Variants in ABTB1 observed in about 807,000 individuals in gnomAD.
The protein encoded by ABTB1 is ankyrin repeat and BTB domain containing 1.
ABTB1 carries 45 observed loss-of-function variants against 57.1 expected under a neutral mutation model. That is an observed-to-expected ratio of 0.79 (90% CI 0.62 to 1.01). The LOEUF (loss-of-function observed/expected upper bound fraction) is 1.01, where lower values mean the gene tolerates loss of function less well. Ranked by LOEUF, ABTB1 falls within the 50% of genes least tolerant of loss-of-function variation. The pLI is 0.00. For missense variants in ABTB1, 630 were observed against 666.3 expected (o/e 0.95, Z 0.60); for synonymous variants, 302 against 275.4 (o/e 1.10, Z -0.95).
chr3:127,673,875 C>T (rs2074911343), intron 1 of ABTB1, among the ~76,000 whole-genome samples: 1 of 152,236 alleles, frequency 6.6e-6, no homozygotes, highest in South Asian at 2.1e-4. Context: ...CTGCCCCCGC[C>T]TCAGTGGGGC....
At chr3:127,673,405 C>G in intron 1 of ABTB1, 1 of 212,246 alleles carries the variant, frequency 4.7e-6, no homozygotes, top group Non-Finnish European at 9.3e-6. Flanking sequence ...ACGTCAGACC[C>G]CCCGGGCGCA....
chr3:127,675,611 G>A, intron 3 of ABTB1: 2 of 281,080 alleles, frequency 7.1e-6, no homozygotes, highest in East Asian at 6.3e-5. Flanking sequence ...CCATCGTTAG[G>A]TAGTGGGTTG....
chr3:127,679,732 G>T, intron 10 of ABTB1: 1 of 587,268 alleles, frequency 1.7e-6, no homozygotes. Context: ...CCTGCCTCCC[G>T]CCTGCCCTGC....
In ABTB1 at chr3:127,673,067, T is replaced by C; in HGVS notation, c.42T>C (p.Asp14=). The part of the protein sequence containing the change: ...SDLFASCRKG[D]VGRVRYLLEQ... ...TGTTCGCCAGCTGCAGGAAGGGGGA[T>C]GTGGGCCGAGTGCGGTGAGGACCTC... The change falls in exon 1 of 12, where the codon GAT becomes GAC. Residue 14 remains aspartate, a synonymous_variant. Transcript: ENST00000232744. 6.4e-7 allele frequency: 1 copy of C among 1,574,468 alleles called. No individual in the cohort carries two copies. Among genetic ancestry groups the C allele is most frequent in the Non-Finnish European group, 8.6e-7 (1 of 1,160,310 alleles).
chr3:127,674,347 CA>C (rs1314411922), intron 1 of ABTB1, 43 bp from the exon 2 acceptor site: 1 of 1,581,088 alleles, frequency 6.3e-7, no homozygotes, highest in Admixed American at 1.9e-5. Context: ...TTTCTCAGAC[CA>C]TGAACCCGTC....
chr3:127,679,758 A>C, intron 10 of ABTB1: 2 of 588,380 alleles, frequency 3.4e-6, no homozygotes, highest in African/African-American at 1.9e-5. Flanking sequence ...TGCTCAGGGC[A>C]TGGGAGAACC....
Position 127,680,605 on chromosome 3 carries a change from G to T in ABTB1, c.*130G>T. On this transcript the variant is annotated 3_prime_UTR_variant, in exon 12 of 12. Transcript: ENST00000232744. ...CATGGGGGGTGCGAGGGGCTCAGTG[G>T]GGCTTCTCTTCCCTCCATGAGCCTG... 8.6e-7 allele frequency: 1 copy of T among 1,157,192 alleles called. No individual in the cohort carries two copies. The allele number at this position is 1,157,192 out of a possible 1,614,324, so 71.7% of individuals were successfully genotyped here. A position where few individuals can be genotyped will look rare whatever the true frequency, so the allele number is the denominator to read the frequency against.
At position 127,680,017 on chromosome 3, in the gene ABTB1, C is replaced by G. The variant is rs190351690; in HGVS notation, c.1062C>G (p.Ser354Arg). 6.2e-7 allele frequency: 1 copy of G among 1,613,648 alleles called. No individual in the cohort carries two copies. The highest frequency in any genetic ancestry group is 1.1e-5 in the South Asian group (1 of 91,084). Reference sequence around the variant, plus strand: ...CCGAGGCAGCCTATGATGTGCTGAGCGTCGCCGACATGTACCTGCTGCCAG... The same window carrying G: ...CCGAGGCAGCCTATGATGTGCTGAGGGTCGCCGACATGTACCTGCTGCCAG... ...LSPEAAYDVL[S>R]VADMYLLPGL... The change falls in exon 11 of 12, where the codon AGC becomes AGG. Residue 354 changes from serine (S) to arginine (R), a missense_variant. By Grantham distance (110) the Ser-to-Arg change is moderately radical. Coordinates refer to ENST00000232744, the MANE Select transcript of ABTB1 (RefSeq NM_172027.3).
rs765463378 is a variant in ABTB1 at position 127,679,989 on chromosome 3, C to T, written c.1034C>T (p.Ser345Phe). ...TCATCCCTGTCTTCACTGCAGCTGT[C>T]CCCCGAGGCAGCCTATGATGTGCTG... The part of the protein sequence containing the change: ...YYMYSDHTEL[S>F]PEAAYDVLSV... Residue 345 changes from serine to phenylalanine, a missense_variant, in exon 11 of 12, where the codon TCC becomes TTC. Physicochemically the swap from Ser to Phe is radical, Grantham distance 155 (BLOSUM62 -2). This residue lies in a region of ABTB1 where 579 missense variants were observed against 585.9 expected (regional missense o/e 0.99). Coordinates refer to ENST00000232744, the MANE Select transcript of ABTB1 (RefSeq NM_172027.3). The T allele has an allele frequency of 1.2e-5, 19 of 1,613,240 alleles. No homozygotes were observed. Among genetic ancestry groups the T allele is most frequent in the South Asian group, 2.2e-5 (2 of 91,078 alleles).
chr3:127,679,171 C>T, intron 10 of ABTB1: 1 of 202,686 alleles, frequency 4.9e-6, no homozygotes, highest in South Asian at 5.7e-5. Flanking sequence ...TGGGTTGATA[C>T]TGGTTGAGCT....
Position 127,676,027 on chromosome 3 carries a change from G to A in ABTB1, c.233G>A (p.Ser78Asn), listed in dbSNP as rs376091643. ...DGERCLYGAL[S>N]DPIRRALRDY... ...GAGCGCTGCCTCTATGGGGCACTGA[G>A]TGACCCCATCCGCCGGGCTCTACGC... is the stretch of plus-strand genomic sequence containing the variant. The change falls in exon 4 of 12, where the codon AGT becomes AAT. Residue 78 changes from serine (S) to asparagine (N), a missense_variant. Ser to Asn is a conservative substitution (Grantham distance 46). Around this residue, in one of 3 missense-constraint regions of ABTB1, gnomAD observed 579 missense variants for 585.9 expected, o/e 0.99. Coordinates refer to ENST00000232744, the MANE Select transcript of ABTB1 (RefSeq NM_172027.3). This position sits in a 1 kb window ranked among gnomAD's most constrained non-coding sequence, Gnocchi z 5.4. The A allele has an allele frequency of 1.2e-5, 20 of 1,612,894 alleles. No individual in the cohort carries two copies. In the Middle Eastern group the frequency reaches 5.1e-4, roughly 41 times the overall value.
intron 3 of ABTB1, 61 bp from the exon 4 acceptor site, chr3:127,675,908 AG>A: frequency 6.4e-7 from 1 of 1,573,048 alleles, no homozygotes; most frequent in Non-Finnish European, 8.7e-7. Context: ...GAGGAGGGAC[AG>A]GGAGATTAGA....
chr3:127,679,804 C>A, intron 10 of ABTB1, 181 bp from the exon 11 acceptor site: 1 of 524,972 alleles, frequency 1.9e-6, no homozygotes. Context: ...CCTGCAGATC[C>A]CTGTGGGAAT....
chr3:127,679,781 GCCCCCTAGC>G, intron 10 of ABTB1, 195 bp from the exon 11 acceptor site: 1 of 588,698 alleles, frequency 1.7e-6, no homozygotes, highest in Admixed American at 2.8e-5. Flanking sequence ...CCAGTCTTCT[GCCCCCTAGC>G]GGTCCTGCAG....
chr3:127,679,460 C>T (rs1249821685), intron 10 of ABTB1: 2 of 453,448 alleles, frequency 4.4e-6, no homozygotes, highest in South Asian at 1.6e-5. Flanking sequence ...TGTAGGTGGG[C>T]TCTGTGTCCC....
rs148498205 is a variant in ABTB1, at chr3:127,680,902, G to A, written c.*427G>A. ...CTGGGGGAGTGTGTGTGGCAATAAA[G>A]CTTGAAGGCACCGTGGGAGCATGAG... On this transcript the variant is annotated 3_prime_UTR_variant, in exon 12 of 12. Transcript: ENST00000232744. 1.3e-5 allele frequency: 7 copies of A among 524,910 alleles called. No individual in the cohort carries two copies. Among genetic ancestry groups the A allele is most frequent in the Admixed American group, 3.7e-5 (1 of 26,986 alleles). 32.5% of individuals were successfully genotyped at this position (524,910 alleles called of 1,614,324 possible).
rs1228713820 is a variant in ABTB1, at chr3:127,680,431, C to T, written c.1393C>T (p.Arg465Trp). 6.2e-6 allele frequency: 10 copies of T among 1,605,616 alleles called. No individual in the cohort carries two copies. Among genetic ancestry groups the T allele is most frequent in the African/African-American group, 4.0e-5 (3 of 74,906 alleles). Residue 465 changes from arginine to tryptophan, a missense_variant, in exon 12 of 12, where the codon CGG (arginine) becomes TGG (tryptophan). By Grantham distance (101) the Arg-to-Trp change is moderately radical. This residue lies in a region of ABTB1 where 43 missense variants were observed against 56.1 expected (regional missense o/e 0.77). Transcript: ENST00000232744. ...SAIEEAQQRLRALEDLLVSIG... is the reference protein window; with the variant it reads ...SAIEEAQQRLWALEDLLVSIG... ...CATAGAGGAGGCGCAGCAGCGTCTG[C>T]GGGCACTCGAGGACCTGCTCGTGTC... is the stretch of plus-strand genomic sequence containing the variant.
chr3:127,677,336 T>C, intron 8 of ABTB1, 50 bp downstream of exon 8: 1 of 1,565,920 alleles, frequency 6.4e-7, no homozygotes, highest in African/African-American at 1.3e-5. Flanking sequence ...TGGCAGGCCG[T>C]GACAGGCAGC....
chr3:127,680,457 C>T lies in ABTB1; in HGVS notation c.1419C>T (p.Ser473=), dbSNP rs536598104. Residue 473 remains serine (S), a synonymous_variant, in exon 12 of 12, where the codon TCC becomes TCT. Coordinates refer to ENST00000232744, the MANE Select transcript of ABTB1 (RefSeq NM_172027.3). ...GGGCACTCGAGGACCTGCTCGTGTC[C>T]ATCGGTCTGGACTGTTGAGCCCCTG... ...RLRALEDLLV[S]IGLDC 18 of 1,602,228 alleles carry T rather than the reference C, an allele frequency of 1.1e-5. No homozygotes were observed. Among genetic ancestry groups the T allele is most frequent in the Admixed American group, 3.4e-5 (2 of 58,708 alleles).
Sources: allele counts gnomAD v4.1 joint callset (sites outside exome capture counted in the v4.1 genomes callset), GRCh38; gene constraint gnomAD v4.1.1; regional missense constraint gnomAD v4.1.1; non-coding constraint Gnocchi (gnomAD v3.1); transcripts MANE v1.5; gene names NCBI Gene and HGNC (gene_info 2026-07-23, HGNC 2026-07-21).